SLC9A6: variants seen among roughly 807,000 people sequenced by gnomAD.
SLC9A6 encodes the protein solute carrier family 9 member A6.
Under a neutral mutation model 45.3 loss-of-function variants are expected in SLC9A6, and 6 were observed. That is an observed-to-expected ratio of 0.13 (90% CI 0.07 to 0.26). The LOEUF (loss-of-function observed/expected upper bound fraction) is 0.26. SLC9A6 is among the 10% of genes least tolerant of loss of function. The probability of loss-of-function intolerance (pLI) is 1.00; values close to 1 mark genes in which losing one functional copy is unlikely to be tolerated. For synonymous variants in SLC9A6, 191 were observed against 187.7 expected, an observed-to-expected ratio of 1.02 and a Z score of -0.14; for missense variants, 278 against 503.7, an observed-to-expected ratio of 0.55 and a Z score of 4.29.
At position 136,038,585 on chromosome X, in the gene SLC9A6, G is replaced by A. The variant is rs1305466939; in HGVS notation, c.1662-1491G>A. ...ATCAGGAAGTATTCCCTCATTTTCT[G>A]TTCTCTGAAGGAGTGATAAGATTAG... is the stretch of plus-strand genomic sequence containing the variant. On this transcript the variant is annotated intron_variant, in intron 16 of 17. Transcript: ENST00000630721. Among the ~76,000 whole-genome samples the A allele has an allele frequency of 3.2e-4, 35 of 110,516 alleles. No homozygotes were observed. In the Admixed American group the frequency reaches 3.4e-3, roughly 11 times the overall value.
intron 3 of SLC9A6, among the ~76,000 whole-genome samples, chrX:135,996,829 T>G (rs1258571803): frequency 3.3e-4 from 36 of 108,171 alleles, no homozygotes; most frequent in Non-Finnish European, 6.3e-4. Flanking sequence ...TGCAGTGGCG[T>G]GATCTCGGCT....
At chrX:136,023,291 A>G (rs1307359485) in intron 12 of SLC9A6, among the ~76,000 whole-genome samples, 1 of 92,645 alleles carries the variant, frequency 1.1e-5, no homozygotes, top group African/African-American at 4.1e-5. Context: ...GAATTATGTC[A>G]TACAAAGTGA....
intron 12 of SLC9A6, 105 bp from the exon 13 acceptor site, chrX:136,024,225 G>C (rs1044147738): frequency 1.2e-6 from 1 of 813,458 alleles, no homozygotes; most frequent in East Asian, 3.2e-5. Context: ...CTGCATATTT[G>C]TTCACATGCT....
chrX:136,025,886 C>T (rs782423567), intron 13 of SLC9A6, among the ~76,000 whole-genome samples: 1 of 111,552 alleles, frequency 9.0e-6, no homozygotes, highest in Non-Finnish European at 1.9e-5. Context: ...TTTCTTTTCT[C>T]AAGAGCTTGT....
In SLC9A6 at chrX:135,977,343, C is replaced by A. The variant is rs185974228; in HGVS notation, c.-57+2560C>A. 8.0e-3 allele frequency among the ~76,000 whole-genome samples: 892 copies of A among 112,034 alleles called. 3 individuals are homozygous for A. Among genetic ancestry groups the A allele is most frequent in the Non-Finnish European group, 0.014 (738 of 53,196 alleles). On this transcript the variant is annotated intron_variant, in intron 1 of 16. Coordinates refer to the SLC9A6 transcript ENST00000636092. ...ATTTGTGAAGACTTATCACGTTTCC[C>A]AGGCTAGTTCACTGAATAGAGAAAG...
intron 3 of SLC9A6, among the ~76,000 whole-genome samples, chrX:135,997,256 A>G (rs1376126799): frequency 9.3e-6 from 1 of 107,811 alleles, no homozygotes; most frequent in African/African-American, 3.4e-5. Flanking sequence ...GGGTTTTGCC[A>G]TGTCGGTCAG....
intron 16 of SLC9A6, 160 bp from the exon 17 acceptor site, chrX:136,039,916 G>A (rs889787826): frequency 4.0e-6 from 2 of 499,714 alleles, no homozygotes; most frequent in Non-Finnish European, 7.2e-6. Context: ...CCCCTTTGCT[G>A]TTTCACTGCC....
rs371807117 is a variant in SLC9A6, at chrX:135,995,768, G to T, written c.369+783G>T. Among the ~76,000 whole-genome samples the T allele has an allele frequency of 2.7e-5, 3 of 111,308 alleles. No individual in the cohort carries two copies. In the South Asian group the frequency reaches 1.1e-3, roughly 41 times the overall value. ...TTAATCTTTCTTTGATTCACAATCT[G>T]ACACAACTTCAGGGGCCCTAAGTGT... On this transcript the variant is annotated intron_variant, in intron 3 of 17. Coordinates refer to ENST00000630721, the MANE Select transcript of SLC9A6 (RefSeq NM_001379110.1).
intron 7 of SLC9A6, among the ~76,000 whole-genome samples, chrX:136,003,452 T>C (rs2089611532): frequency 8.9e-6 from 1 of 112,568 alleles, no homozygotes; most frequent in Non-Finnish European, 1.9e-5. Flanking sequence ...GTGAATATTC[T>C]CATTCTTTGC....
intron 2 of SLC9A6, among the ~76,000 whole-genome samples, chrX:135,986,245 A>G (rs1187184714): frequency 1.8e-5 from 2 of 110,455 alleles, no homozygotes; most frequent in East Asian, 5.7e-4. Context: ...TTGAAACTGC[A>G]GTAGTATCTC....
chrX:135,999,340 C>CAGA (rs2089549525), intron 6 of SLC9A6, among the ~76,000 whole-genome samples: 1 of 110,695 alleles, frequency 9.0e-6, no homozygotes, highest in Non-Finnish European at 1.9e-5. Flanking sequence ...TATTTCCTTT[C>CAGA]AAGCTTTTAG....
intron 4 of SLC9A6, 40 bp from the exon 5 acceptor site, chrX:135,998,442 G>C (rs1556616881): frequency 1.0e-6 from 1 of 956,997 alleles, no homozygotes; most frequent in South Asian, 2.3e-5. Flanking sequence ...TCAAGTAACT[G>C]GTAAGTATTC....
chrX:135,984,749 C>G (rs1186816533), upstream of SLC9A6, among the ~76,000 whole-genome samples: 4 of 111,783 alleles, frequency 3.6e-5, no homozygotes, highest in African/African-American at 1.3e-4. Context: ...ATCCACCACA[C>G]CACCCAAGAT....
At chrX:135,996,268 G>A (rs1556616488) in intron 3 of SLC9A6, among the ~76,000 whole-genome samples, 2 of 109,333 alleles carry the variant, frequency 1.8e-5, no homozygotes, top group Admixed American at 9.9e-5. Flanking sequence ...CTGGACTCAG[G>A]CGAACCACCC....
At chrX:136,043,359 C>T (rs968170110) in intron 17 of SLC9A6, among the ~76,000 whole-genome samples, 1 of 111,892 alleles carries the variant, frequency 8.9e-6, no homozygotes, top group Non-Finnish European at 1.9e-5. Context: ...CATACCCAGC[C>T]GTTTATTTTT....
Position 136,015,761 on chromosome X carries a change from T to G in SLC9A6, c.1081-884T>G, listed in dbSNP as rs782289089. Among the ~76,000 whole-genome samples the G allele has an allele frequency of 1.3e-4, 14 of 111,712 alleles. No individual in the cohort carries two copies. In the Admixed American group the frequency reaches 1.3e-3, roughly 11 times the overall value. ...TTTTGGGTAATAAGGCAACCCTGGTTTAAAGAGATTAACTAATTTGCCCAA... is the reference window on the plus strand; with the variant it reads ...TTTTGGGTAATAAGGCAACCCTGGTGTAAAGAGATTAACTAATTTGCCCAA... On this transcript the variant is annotated intron_variant, in intron 10 of 17. Coordinates refer to ENST00000630721, the MANE Select transcript of SLC9A6 (RefSeq NM_001379110.1).
chrX:136,028,391 G>A (rs1206319456), intron 13 of SLC9A6, among the ~76,000 whole-genome samples: 1 of 112,021 alleles, frequency 8.9e-6, no homozygotes, highest in Non-Finnish European at 1.9e-5. Flanking sequence ...TGCCCTAGTT[G>A]TGTTGGTTTC....
intron 7 of SLC9A6, among the ~76,000 whole-genome samples, chrX:136,002,925 A>G (rs2089603386): frequency 9.0e-6 from 1 of 110,964 alleles, no homozygotes; most frequent in Admixed American, 9.6e-5. Flanking sequence ...AAAGTTACAC[A>G]CAGAAAATTC....
intron 7 of SLC9A6, among the ~76,000 whole-genome samples, chrX:136,007,065 C>T (rs1241032483): frequency 1.8e-5 from 2 of 111,050 alleles, no homozygotes; most frequent in East Asian, 5.6e-4. Context: ...TGGGGTTTCA[C>T]CGTGTTGGCC....
Sources: allele counts gnomAD v4.1 joint callset (sites outside exome capture counted in the v4.1 genomes callset), GRCh38; gene constraint gnomAD v4.1.1; transcripts MANE v1.5; gene names NCBI Gene and HGNC (gene_info 2026-07-23, HGNC 2026-07-21).